MYO1B: variants seen among roughly 807,000 people sequenced by gnomAD.
MYO1B encodes myosin IB.
Under a neutral mutation model 159.7 loss-of-function variants are expected in MYO1B, and 72 were observed. That is an observed-to-expected ratio of 0.45 (90% CI 0.37 to 0.55). MYO1B has a LOEUF of 0.55. Ranked by LOEUF, MYO1B falls within the 20% of genes least tolerant of loss-of-function variation. The pLI is 0.00. For missense variants in MYO1B, 1,062 were observed against 1,364.8 expected, an observed-to-expected ratio of 0.78 and a Z score of 3.50; for synonymous variants, 468 against 473.8, an observed-to-expected ratio of 0.99 and a Z score of 0.16.
intron 2 of MYO1B, among the ~76,000 whole-genome samples, chr2:191,294,944 A>G (rs910372674): frequency 2.6e-5 from 4 of 152,206 alleles, no homozygotes; most frequent in Non-Finnish European, 2.9e-5. Context: ...TTTTCTAGAA[A>G]TATCTGACAG....
rs1209689273 is a variant in MYO1B at position 191,383,448 on chromosome 2, TTATATA to T, written c.1353+127_1353+132del. 2.0e-4 allele frequency: 25 copies of T among 127,388 alleles called. 1 individual carries two copies. Among genetic ancestry groups the T allele is most frequent in the African/African-American group, 9.3e-4 (23 of 24,812 alleles). 7.9% of individuals were successfully genotyped at this position (127,388 alleles called of 1,614,324 possible). Reference sequence around the variant, plus strand: ...TAAGCATTAGTATTTTCACTGTTTTTTATATATATATATATATATATATATACACAC... The same window carrying T: ...TAAGCATTAGTATTTTCACTGTTTTTTATATATATATATATATATACACAC... On this transcript the variant is annotated intron_variant, in intron 15 of 30. Coordinates refer to ENST00000392318, the MANE Select transcript of MYO1B (RefSeq NM_001130158.3).
Position 191,363,708 on chromosome 2 carries a change from T to A in MYO1B, c.766-20T>A. The A allele has an allele frequency of 4.4e-6, 6 of 1,362,254 alleles. No individual in the cohort carries two copies. The highest frequency in any genetic ancestry group is 5.9e-6 in the Non-Finnish European group (6 of 1,020,532). The allele number at this position is 1,362,254 out of a possible 1,614,324, so 84.4% of individuals were successfully genotyped here. A position where few individuals can be genotyped will look rare whatever the true frequency, so the allele number is the denominator to read the frequency against. ...ATAACTATAAGAAAAAAATAGTTGC[T>A]TTTTTTTTTCTCTCCCCAGAATGCC... On this transcript the variant is annotated intron_variant, in intron 9 of 30. Coordinates refer to ENST00000392318, the MANE Select transcript of MYO1B (RefSeq NM_001130158.3).
At chr2:191,286,362 G>T (rs370662723) in intron 2 of MYO1B, among the ~76,000 whole-genome samples, 25 of 151,594 alleles carry the variant, frequency 1.6e-4, no homozygotes, top group African/African-American at 6.1e-4. Context: ...AAAAGACCGA[G>T]GCCCTCTGCA....
At chr2:191,337,862 A>T (rs1327126571) in intron 4 of MYO1B, among the ~76,000 whole-genome samples, 1 of 152,144 alleles carries the variant, frequency 6.6e-6, no homozygotes, top group Non-Finnish European at 1.5e-5. Context: ...GTTTTTCATT[A>T]TAGAGGTTAT....
chr2:191,313,192 C>CTTTT lies in MYO1B; in HGVS notation c.252-16711_252-16708dup, dbSNP rs762175060. Among the ~76,000 whole-genome samples, 402 of 43,004 alleles carry CTTTT rather than the reference C, an allele frequency of 9.3e-3. 100 individuals carry two copies. The highest frequency in any genetic ancestry group is 0.015 in the East Asian group (19 of 1,254). The allele number at this position is 43,004 out of a possible 152,430, so 28.2% of individuals were successfully genotyped here. A position where few individuals can be genotyped will look rare whatever the true frequency, so the allele number is the denominator to read the frequency against. On this transcript the variant is annotated intron_variant, in intron 3 of 30. Transcript: ENST00000392318. ...TAGTTATAATATCTGGCACACATGG[C>CTTTT]TTTTTTTTTTTTTTTTTTTTTTTTT...
intron 13 of MYO1B, among the ~76,000 whole-genome samples, chr2:191,380,529 A>G (rs944926622): frequency 1.3e-5 from 2 of 152,246 alleles, no homozygotes; most frequent in Admixed American, 6.5e-5. Flanking sequence ...TGTCAGATCT[A>G]CTTCTTCCTG....
At chr2:191,248,216 T>G (rs998377552) in intron 1 of MYO1B, among the ~76,000 whole-genome samples, 9 of 152,240 alleles carry the variant, frequency 5.9e-5, no homozygotes, top group African/African-American at 1.9e-4. Context: ...TTACATACAT[T>G]ACTATATTCA....
chr2:191,333,315 C>G (rs547150427), intron 4 of MYO1B, among the ~76,000 whole-genome samples: 2 of 152,264 alleles, frequency 1.3e-5, no homozygotes, highest in Admixed American at 1.3e-4. Flanking sequence ...TAACATGCAT[C>G]TCAGACTAAG....
At chr2:191,314,571 T>A (rs1252227323) in intron 3 of MYO1B, among the ~76,000 whole-genome samples, 1 of 152,252 alleles carries the variant, frequency 6.6e-6, no homozygotes, top group Admixed American at 6.5e-5. Context: ...AAAATGGTTC[T>A]AACCAGCTTT....
At chr2:191,396,689 T>C (rs1696096699) in intron 21 of MYO1B, among the ~76,000 whole-genome samples, 192 bp downstream of exon 21, 1 of 152,206 alleles carries the variant, frequency 6.6e-6, no homozygotes, top group South Asian at 2.1e-4. Context: ...CACTTCCTTC[T>C]AACCAGCTTT....
At chr2:191,264,752 C>A (rs970271944) in intron 1 of MYO1B, among the ~76,000 whole-genome samples, 5 of 150,986 alleles carry the variant, frequency 3.3e-5, no homozygotes, top group African/African-American at 7.3e-5. Flanking sequence ...CTGGCATTTG[C>A]TGGCTTTTTG....
At chr2:191,303,653 C>A (rs1689471526) in intron 3 of MYO1B, among the ~76,000 whole-genome samples, 2 of 151,796 alleles carry the variant, frequency 1.3e-5, no homozygotes, top group Admixed American at 6.6e-5. Context: ...ATTGTACACA[C>A]CATTGGTTAG....
At chr2:191,397,942 C>CGGGGG (rs779648512) in intron 21 of MYO1B, among the ~76,000 whole-genome samples, 5 of 55,892 alleles carry the variant, frequency 8.9e-5, no homozygotes, top group Non-Finnish European at 1.2e-4. Flanking sequence ...GCTGGCCGGG[C>CGGGGG]GGGCCGACCC....
intron 24 of MYO1B, 96 bp from the exon 25 acceptor site, chr2:191,408,019 C>G (rs965529090): frequency 1.4e-6 from 1 of 730,950 alleles, no homozygotes; most frequent in African/African-American, 1.8e-5. Context: ...TATAAACTGA[C>G]TTGTTTGACA....
In MYO1B at chr2:191,340,750, G is replaced by C. The variant is rs1408839859; in HGVS notation, c.347-711G>C. Among the ~76,000 whole-genome samples the C allele has an allele frequency of 4.6e-5, 7 of 151,362 alleles. No homozygotes were observed. The South Asian group carries it at 1.2e-3, about 27-fold the overall frequency. On this transcript the variant is annotated intron_variant, in intron 4 of 30. Transcript: ENST00000392318. ...TTTTGGTGTTTTTTTTTTTGAGACA[G>C]AGTCTTGCTCTGTTGCCAAGGCTGG...
intron 13 of MYO1B, chr2:191,377,529 A>T (rs1694783916): frequency 1.3e-5 from 2 of 152,146 alleles, no homozygotes. Context: ...GACAAACCAA[A>T]AAAGTCTCCA....
At chr2:191,273,393 G>A (rs1687574138) in intron 1 of MYO1B, among the ~76,000 whole-genome samples, 1 of 152,150 alleles carries the variant, frequency 6.6e-6, no homozygotes, top group Non-Finnish European at 1.5e-5. Flanking sequence ...AAAGTGTTGG[G>A]ATTACAGGCG....
chr2:191,398,244 G>C (rs1189321387), intron 21 of MYO1B, among the ~76,000 whole-genome samples: 1 of 40,774 alleles, frequency 2.5e-5, no homozygotes, highest in Non-Finnish European at 5.2e-5. Flanking sequence ...CGGGCAGGGG[G>C]CTGACCCCCC....
chr2:191,377,749 C>T (rs1397643236), intron 13 of MYO1B: 1 of 152,070 alleles, frequency 6.6e-6, no homozygotes, highest in Non-Finnish European at 1.5e-5. Flanking sequence ...TTGATTATTC[C>T]TTAAATTTTT....
Sources: gnomAD v4.1 joint callset for allele counts (sites outside exome capture counted in the v4.1 genomes callset) on GRCh38, gnomAD v4.1.1 for gene constraint, MANE v1.5 for transcripts, NCBI Gene and HGNC (gene_info 2026-07-23, HGNC 2026-07-21) for gene names.